The following FGFR1 variants were observed in gnomAD, a reference collection of about 807,000 sequenced individuals.
FGFR1 encodes the protein FGFR1/PLAG1 fusion.
Under a neutral mutation model 93.7 loss-of-function variants are expected in FGFR1, and 18 were observed. The ratio of observed to expected loss-of-function variants is 0.19; its 90% CI spans 0.13 to 0.28. The LOEUF (loss-of-function observed/expected upper bound fraction) is 0.28. FGFR1 is among the 10% of genes least tolerant of loss of function. FGFR1 has a pLI of 1.00. For missense variants in FGFR1, 731 were observed against 1,080.4 expected (o/e 0.68, Z 4.53); for synonymous variants, 448 against 429.3 (o/e 1.04, Z -0.54).
chr8:38,458,941 C>T (rs1486319272), intron 1 of FGFR1: 4 of 218,070 alleles, frequency 1.8e-5, no homozygotes, highest in Non-Finnish European at 2.8e-5. Context: ...CCAGAAGTTG[C>T]GGGGGGCAAG....
At chr8:38,417,279 G>T in intron 12 of FGFR1, 27 bp downstream of exon 12, 4 of 1,580,070 alleles carry the variant, frequency 2.5e-6, no homozygotes, top group Non-Finnish European at 3.5e-6. Flanking sequence ...CCGCTGGGCA[G>T]GGAAAGCCAG....
At chr8:38,427,820 G>T in intron 5 of FGFR1, 101 bp downstream of exon 5, 1 of 1,309,828 alleles carries the variant, frequency 7.6e-7, no homozygotes, top group Non-Finnish European at 1.1e-6. Context: ...CTGTATAGGT[G>T]GAAAGTATTA....
intron 2 of FGFR1, among the ~76,000 whole-genome samples, chr8:38,433,302 C>A (rs1282437547): frequency 1.3e-5 from 2 of 151,336 alleles, no homozygotes; most frequent in African/African-American, 2.4e-5. Flanking sequence ...TGCCACTGGA[C>A]GGGATGACAA....
chr8:38,460,114 T>C (rs1239807091), intron 1 of FGFR1, among the ~76,000 whole-genome samples: 1 of 151,882 alleles, frequency 6.6e-6, no homozygotes, highest in East Asian at 1.9e-4. Flanking sequence ...ATTTGGGAGG[T>C]GGAGGTTGCA....
At chr8:38,428,561 T>C in intron 3 of FGFR1, 126 bp from the exon 4 acceptor site, 1 of 739,082 alleles carries the variant, frequency 1.4e-6, no homozygotes, top group South Asian at 1.5e-5. Flanking sequence ...GCTCCCTTAG[T>C]GATGATCTCT....
At position 38,426,310 on chromosome 8, in the gene FGFR1, T is replaced by A. The variant is rs2150870060; in HGVS notation, c.622-65A>T. 6.2e-7 allele frequency: 1 copy of A among 1,607,712 alleles called. No homozygotes were observed. The highest frequency in any genetic ancestry group is 8.5e-7 in the Non-Finnish European group (1 of 1,178,588). On this transcript the variant is annotated intron_variant, in intron 5 of 17. Coordinates refer to ENST00000447712, the MANE Select transcript of FGFR1 (RefSeq NM_023110.3). This position sits in a 1 kb window ranked among gnomAD's most constrained non-coding sequence, Gnocchi z 4.1. ...GGAAAATGCAGGCCCCATGACAATGTCGGCACCCCGTGGCACCTGCCCTCC... is the reference window on the plus strand; with the variant it reads ...GGAAAATGCAGGCCCCATGACAATGACGGCACCCCGTGGCACCTGCCCTCC...
chr8:38,448,426 C>G (rs185709135), intron 2 of FGFR1, among the ~76,000 whole-genome samples: 1 of 152,118 alleles, frequency 6.6e-6, no homozygotes. Context: ...ATTATAGGTG[C>G]GTGCCACCAC....
At chr8:38,432,136 A>G (rs1823377451) in intron 2 of FGFR1, among the ~76,000 whole-genome samples, 1 of 152,196 alleles carries the variant, frequency 6.6e-6, no homozygotes, top group Non-Finnish European at 1.5e-5. Context: ...AAAATGTAGC[A>G]AAGAGAACCC....
chr8:38,413,767 G>C lies in FGFR1; in HGVS notation c.2330C>G (p.Ser777Cys), dbSNP rs1213419262. Residue 777 changes from serine to cysteine, a missense_variant, in exon 18 of 18, where the codon TCC becomes TGC. Physicochemically the swap from Ser to Cys is moderately radical, Grantham distance 112 (BLOSUM62 -1). Around this residue, in one of 10 missense-constraint regions of FGFR1, gnomAD observed 79 missense variants for 97.2 expected, o/e 0.81. Coordinates refer to ENST00000447712, the MANE Select transcript of FGFR1 (RefSeq NM_023110.3). The surrounding 1 kb of genome is among the most constrained non-coding windows in gnomAD (Gnocchi z 4.2). ...GCTCCGGGTGTCGGGAAAGCTGGGGGAGTACTGGTCCAGGGGCATGGACAG... is the reference window on the plus strand; with the variant it reads ...GCTCCGGGTGTCGGGAAAGCTGGGGCAGTACTGGTCCAGGGGCATGGACAG... The part of the protein sequence containing the change: ...LDLSMPLDQY[S>C]PSFPDTRSST... 7 of 1,614,146 alleles carry C rather than the reference G, an allele frequency of 4.3e-6. No homozygotes were observed. Among genetic ancestry groups the C allele is most frequent in the Non-Finnish European group, 5.9e-6 (7 of 1,180,012 alleles).
chr8:38,457,954 A>G (rs1833328811), intron 1 of FGFR1, among the ~76,000 whole-genome samples: 1 of 152,034 alleles, frequency 6.6e-6, no homozygotes, highest in Admixed American at 6.6e-5. Flanking sequence ...CTGCACTCCA[A>G]CCTGGGTGAC....
At chr8:38,461,761 G>A (rs531965245) in intron 1 of FGFR1, among the ~76,000 whole-genome samples, 1 of 152,296 alleles carries the variant, frequency 6.6e-6, no homozygotes, top group Admixed American at 6.5e-5. Context: ...GCTCAAATGG[G>A]TGGTGTGGGT....
chr8:38,420,504 G>C (rs1818318446), intron 8 of FGFR1, among the ~76,000 whole-genome samples: 1 of 152,138 alleles, frequency 6.6e-6, no homozygotes, highest in Non-Finnish European at 1.5e-5. Context: ...AGGGGGCGGA[G>C]TTCCATTTTG....
chr8:38,449,647 T>C (rs1041579033), intron 2 of FGFR1, among the ~76,000 whole-genome samples: 2 of 147,460 alleles, frequency 1.4e-5, no homozygotes, highest in Non-Finnish European at 3.0e-5. Context: ...GGAACACAAA[T>C]GGCACAGCCC....
At chr8:38,455,602 T>C (rs1271338714) in intron 2 of FGFR1, among the ~76,000 whole-genome samples, 2 of 152,156 alleles carry the variant, frequency 1.3e-5, no homozygotes, top group Non-Finnish European at 2.9e-5. Flanking sequence ...TAAGTATAGT[T>C]TTCTTAGCAG....
chr8:38,422,094 GGCA>G, intron 7 of FGFR1, 153 bp from the exon 8 acceptor site: 1 of 879,266 alleles, frequency 1.1e-6, no homozygotes, highest in Non-Finnish European at 1.8e-6. Flanking sequence ...AAAACCACCA[GGCA>G]GCAAAACCTG....
At chr8:38,444,452 G>T (rs1295794840) in intron 2 of FGFR1, among the ~76,000 whole-genome samples, 1 of 149,788 alleles carries the variant, frequency 6.7e-6, no homozygotes, top group Non-Finnish European at 1.5e-5. Context: ...ACAGTGCCAT[G>T]ATTTCAGCTC....
intron 1 of FGFR1, 111 bp downstream of exon 1, chr8:38,467,870 C>T (rs1037312919): frequency 4.4e-6 from 1 of 228,440 alleles, no homozygotes; most frequent in Non-Finnish European, 8.7e-6. Flanking sequence ...GAGGGAGGCG[C>T]CGGCCCCGGC....
At chr8:38,467,559 A>G (rs185713180) in intron 1 of FGFR1, 7 of 234,770 alleles carry the variant, frequency 3.0e-5, no homozygotes, top group Admixed American at 5.6e-5. Context: ...CAACACACAC[A>G]CATAACACAC....
intron 6 of FGFR1, 153 bp downstream of exon 6, chr8:38,425,969 A>C: frequency 1.0e-6 from 1 of 962,858 alleles, no homozygotes; most frequent in Non-Finnish European, 1.7e-6. Flanking sequence ...GTGAGGCTCA[A>C]AAGGGAGAAG....
Sources: gnomAD v4.1 joint callset for allele counts (sites outside exome capture counted in the v4.1 genomes callset) on GRCh38, gnomAD v4.1.1 for gene constraint, gnomAD v4.1.1 regional missense constraint, Gnocchi (gnomAD v3.1) non-coding constraint, MANE v1.5 for transcripts, NCBI Gene and HGNC (gene_info 2026-07-23, HGNC 2026-07-21) for gene names.